The following CCDC126 variants were observed in gnomAD, a reference collection of about 807,000 sequenced individuals.
CCDC126 encodes the protein coiled-coil domain-containing protein 126.
CCDC126 carries 5 observed loss-of-function variants against 11.7 expected under a neutral mutation model. The ratio of observed to expected loss-of-function variants is 0.43; its 90% confidence interval spans 0.22 to 0.90. The LOEUF is 0.90. CCDC126 is among the 40% of genes least tolerant of loss of function. CCDC126 has a pLI of 0.27. For missense variants in CCDC126, 150 were observed against 163.1 expected (o/e 0.92, Z 0.44); for synonymous variants, 60 against 61.9 (o/e 0.97, Z 0.14).
intron 3 of CCDC126, among the ~76,000 whole-genome samples, chr7:23,632,026 G>T (rs1358066127): frequency 6.6e-6 from 1 of 151,406 alleles, no homozygotes; most frequent in Non-Finnish European, 1.5e-5. Context: ...AAATATAGAT[G>T]TGAACATTCT....
chr7:23,617,298 A>G (rs942604704), intron 3 of CCDC126, among the ~76,000 whole-genome samples: 3 of 148,702 alleles, frequency 2.0e-5, no homozygotes, highest in Admixed American at 6.7e-5. Flanking sequence ...CAGTGAGCCA[A>G]GATTGCACCA....
chr7:23,611,353 A>G lies in CCDC126; in HGVS notation c.38A>G (p.Lys13Arg). Residue 13 changes from lysine (K) to arginine (R), a missense_variant, in exon 3 of 4, where the codon AAA (lysine) becomes AGA (arginine). Physicochemically the swap from Lys to Arg is conservative, Grantham distance 26. Transcript: ENST00000307471. ...FTISRKNMSQ[K>R]LSLLLLVFGL... ...ATCTCAAGAAAAAATATGTCCCAGAAATTGAGTTTACTGTTGCTTGTATTT... is the reference window on the plus strand; with the variant it reads ...ATCTCAAGAAAAAATATGTCCCAGAGATTGAGTTTACTGTTGCTTGTATTT... The G allele has an allele frequency of 6.2e-7, 1 of 1,613,458 alleles. No homozygotes were observed. The highest frequency in any genetic ancestry group is 8.5e-7 in the Non-Finnish European group (1 of 1,179,568).
intron 3 of CCDC126, chr7:23,622,834 A>G (rs1782941560): frequency 4.8e-6 from 2 of 419,860 alleles, no homozygotes; most frequent in Non-Finnish European, 9.3e-6. Context: ...TAAATCTTAC[A>G]AGACACAATT....
intron 2 of CCDC126, among the ~76,000 whole-genome samples, 200 bp from the exon 3 acceptor site, chr7:23,610,971 A>G (rs1386144292): frequency 6.6e-6 from 1 of 152,162 alleles, no homozygotes; most frequent in Non-Finnish European, 1.5e-5. Context: ...CAATGAATTG[A>G]CATTTGTTTC....
chr7:23,641,787 A>G (rs1007350175), intron 3 of CCDC126, among the ~76,000 whole-genome samples: 3 of 152,242 alleles, frequency 2.0e-5, no homozygotes, highest in African/African-American at 4.8e-5. Flanking sequence ...CTGAAACTCC[A>G]TAACATTACA....
Sources: allele counts gnomAD v4.1 joint callset (sites outside exome capture counted in the v4.1 genomes callset), GRCh38; gene constraint gnomAD v4.1.1; transcripts MANE v1.5; gene names NCBI Gene and HGNC (gene_info 2026-07-23, HGNC 2026-07-21).